The following ATXN8OS variants were observed in gnomAD, a reference collection of about 807,000 sequenced individuals.
ATXN8OS encodes ATXN8 opposite strand (non-protein coding).
chr13:70,167,935 A>C (rs1889097970), intron 4 of ATXN8OS, among the ~76,000 whole-genome samples: 2 of 151,800 alleles, frequency 1.3e-5, no homozygotes, highest in South Asian at 2.1e-4. Context: ...ACGGGGTTTC[A>C]CCGTGTGATC....
chr13:70,148,697 A>G (rs1170792149), intron 4 of ATXN8OS, among the ~76,000 whole-genome samples: 1 of 152,100 alleles, frequency 6.6e-6, no homozygotes, highest in Non-Finnish European at 1.5e-5. Context: ...GTAAACTAAA[A>G]TTTCTCCTGA....
At chr13:70,145,590 G>T (rs1387085200) in intron 3 of ATXN8OS, among the ~76,000 whole-genome samples, 1 of 151,906 alleles carries the variant, frequency 6.6e-6, no homozygotes, top group Admixed American at 6.6e-5. Context: ...TGGATTCCTA[G>T]GTATTTTATT....
At chr13:70,107,777 C>A (rs757814028), upstream of ATXN8OS, 252 of 1,162,278 alleles carry the variant, frequency 2.2e-4, 1 homozygote, top group Non-Finnish European at 2.8e-4. Context: ...GACAGCGGGG[C>A]CCGGGGGCGG....
chr13:70,113,001 C>T (rs904190511), intron 1 of ATXN8OS, among the ~76,000 whole-genome samples: 4 of 147,982 alleles, frequency 2.7e-5, no homozygotes, highest in African/African-American at 1.0e-4. Context: ...CTGCTCACTG[C>T]AACCTTCACC....
At chr13:70,153,641 T>C (rs189587289) in intron 4 of ATXN8OS, among the ~76,000 whole-genome samples, 67 of 152,278 alleles carry the variant, frequency 4.4e-4, no homozygotes, top group African/African-American at 1.6e-3. Context: ...GTGTTGTCAA[T>C]ATGTATGAAC....
chr13:70,147,379 G>C (rs2137496707), exon 4 of ATXN8OS, among the ~76,000 whole-genome samples: 1 of 152,156 alleles, frequency 6.6e-6, no homozygotes, highest in Non-Finnish European at 1.5e-5. Context: ...AAAGTGCGAA[G>C]GAGCTTAAAT....
chr13:70,127,153 G>A (rs920992759), intron 2 of ATXN8OS, among the ~76,000 whole-genome samples: 1 of 151,770 alleles, frequency 6.6e-6, no homozygotes, highest in Non-Finnish European at 1.5e-5. Context: ...TTGGATAATA[G>A]CTCAATAATT....
chr13:70,111,402 G>A (rs757043173), intron 1 of ATXN8OS, among the ~76,000 whole-genome samples: 3 of 152,128 alleles, frequency 2.0e-5, no homozygotes, highest in Non-Finnish European at 4.4e-5. Context: ...TCTTCCTGGT[G>A]GGGACTCTCT....
At chr13:70,154,160 T>C (rs1888907808) in intron 4 of ATXN8OS, among the ~76,000 whole-genome samples, 2 of 152,200 alleles carry the variant, frequency 1.3e-5, no homozygotes, top group South Asian at 4.1e-4. Flanking sequence ...TCTCCACATA[T>C]TTTAAAAATA....
At position 70,108,528 on chromosome 13, in the gene ATXN8OS, T is replaced by TGGAG. The variant is rs912195693; in HGVS notation, n.240+529_240+532dup. On this transcript the variant is annotated intron_variant and non_coding_transcript_variant, in intron 1 of 4. Coordinates refer to ENST00000678624, the Ensembl canonical transcript of ATXN8OS. ...GTGCACTGGGGCCTATACGGAGAGA[T>TGGAG]GGAGGGAGGGAGGGAGGGAGGGAAG... is the stretch of plus-strand genomic sequence containing the variant. 31 of 137,784 alleles carry TGGAG rather than the reference T, an allele frequency of 2.2e-4. 1 individual carries two copies. Among genetic ancestry groups the TGGAG allele is most frequent in the South Asian group, 1.4e-3 (5 of 3,660 alleles). The allele number at this position is 137,784 out of a possible 1,614,324, so 8.5% of individuals were successfully genotyped here. A position where few individuals can be genotyped will look rare whatever the true frequency, so the allele number is the denominator to read the frequency against.
At chr13:70,121,220 A>G (rs901719166) in intron 2 of ATXN8OS, among the ~76,000 whole-genome samples, 3 of 152,132 alleles carry the variant, frequency 2.0e-5, no homozygotes, top group Admixed American at 6.6e-5. Context: ...TCAACATAAG[A>G]GCAGGAAACC....
chr13:70,168,698 G>A (rs917308274), intron 4 of ATXN8OS, among the ~76,000 whole-genome samples: 9 of 149,288 alleles, frequency 6.0e-5, no homozygotes, highest in Non-Finnish European at 1.5e-5. Context: ...TTCTATTCAT[G>A]TTGCTACAAA....
chr13:70,145,756 G>A (rs544667267), intron 3 of ATXN8OS, among the ~76,000 whole-genome samples: 23 of 152,208 alleles, frequency 1.5e-4, no homozygotes, highest in African/African-American at 5.1e-4. Context: ...TTTGGGCTGA[G>A]ACAATGGGGT....
chr13:70,130,627 C>A, intron 3 of ATXN8OS: 1 of 398,028 alleles, frequency 2.5e-6, no homozygotes. Context: ...TAATGCAGAG[C>A]AACAAAAATG....
intron 1 of ATXN8OS, among the ~76,000 whole-genome samples, chr13:70,111,163 G>A (rs907614286): frequency 6.6e-6 from 1 of 152,046 alleles, no homozygotes; most frequent in Non-Finnish European, 1.5e-5. Flanking sequence ...AAAACTCTTC[G>A]CATAAGTATT....
chr13:70,149,606 G>T (rs961317697), intron 4 of ATXN8OS, among the ~76,000 whole-genome samples: 2 of 152,078 alleles, frequency 1.3e-5, no homozygotes, highest in African/African-American at 4.8e-5. Flanking sequence ...CTATAGACTA[G>T]CAGTCAGAAG....
At chr13:70,168,794 G>A (rs1006173195) in intron 4 of ATXN8OS, among the ~76,000 whole-genome samples, 2 of 152,058 alleles carry the variant, frequency 1.3e-5, no homozygotes, top group African/African-American at 4.8e-5. Context: ...CAAGGAGTTG[G>A]CACCATAGTG....
intron 4 of ATXN8OS, among the ~76,000 whole-genome samples, chr13:70,160,934 C>T (rs1415070528): frequency 6.7e-6 from 1 of 150,084 alleles, no homozygotes; most frequent in African/African-American, 2.4e-5. Flanking sequence ...ATAATCTTAA[C>T]TTTCAGGTGG....
chr13:70,115,252 C>T (rs879840970), exon 2 of ATXN8OS: 9 of 398,314 alleles, frequency 2.3e-5, no homozygotes, highest in Non-Finnish European at 4.0e-5. Flanking sequence ...AGAACAAAGT[C>T]TGTGTCTCCA....
Sources: allele counts gnomAD v4.1 joint callset (sites outside exome capture counted in the v4.1 genomes callset), GRCh38; gene constraint gnomAD v4.1.1; transcripts MANE v1.5; gene names NCBI Gene and HGNC (gene_info 2026-07-23, HGNC 2026-07-21).